The following LINGO2 variants were observed in gnomAD, a reference collection of about 807,000 sequenced individuals.
LINGO2 encodes leucine rich repeat and Ig domain containing 2.
LINGO2 carries 14 observed loss-of-function variants against 30.6 expected under a neutral mutation model. The observed-to-expected ratio is 0.46, with a 90% CI of 0.30 to 0.72. The LOEUF (loss-of-function observed/expected upper bound fraction) is 0.72, where lower values mean the gene tolerates loss of function less well. Among genes scored for constraint, LINGO2 ranks in the 30% least tolerant of loss-of-function variants. LINGO2 has a pLI of 0.07. For synonymous variants in LINGO2, 317 were observed against 288.5 expected (o/e 1.10, Z -1.00); for missense variants, 729 against 751.7 (o/e 0.97, Z 0.35).
chr9:28,503,801 GAATT>G (rs1819989764), intron 1 of LINGO2, among the ~76,000 whole-genome samples: 1 of 151,512 alleles, frequency 6.6e-6, no homozygotes, highest in Non-Finnish European at 1.5e-5. Context: ...TGAGCAGGAG[GAATT>G]AATTAGTGGG....
At chr9:29,150,994 T>G in the LINGO2 span, among the ~76,000 whole-genome samples, 1 of 151,910 alleles carries the variant, frequency 6.6e-6, no homozygotes, top group South Asian at 2.1e-4. Flanking sequence ...AATATATATA[T>G]TAAAAGGCAT....
At chr9:28,661,779 A>T (rs1315184628) in intron 1 of LINGO2, among the ~76,000 whole-genome samples, 1 of 152,134 alleles carries the variant, frequency 6.6e-6, no homozygotes, top group Non-Finnish European at 1.5e-5. Context: ...GAAAAACTCA[A>T]GAGACACGCA....
At chr9:28,582,735 CA>C (rs1824320637) in intron 1 of LINGO2, among the ~76,000 whole-genome samples, 1 of 152,106 alleles carries the variant, frequency 6.6e-6, no homozygotes, top group Admixed American at 6.6e-5. Context: ...TTTTGCCTTA[CA>C]AACGCAGCTC....
chr9:28,111,687 T>A (rs973217428), intron 4 of LINGO2, among the ~76,000 whole-genome samples: 13 of 152,102 alleles, frequency 8.5e-5, no homozygotes, highest in African/African-American at 1.4e-4. Context: ...ATAATTGTAG[T>A]ACAATAAATG....
At chr9:28,450,928 C>G (rs1248708195) in intron 2 of LINGO2, among the ~76,000 whole-genome samples, 1 of 151,922 alleles carries the variant, frequency 6.6e-6, no homozygotes, top group East Asian at 1.9e-4. Flanking sequence ...GATTTTATCA[C>G]TTAATTGTGG....
chr9:29,002,803 T>C, the LINGO2 span, among the ~76,000 whole-genome samples: 2 of 152,124 alleles, frequency 1.3e-5, no homozygotes, highest in African/African-American at 2.4e-5. Context: ...AATTATTGTG[T>C]AGTGTCCTTT....
intron 3 of LINGO2, among the ~76,000 whole-genome samples, chr9:28,299,292 G>C (rs369194294): frequency 4.0e-5 from 6 of 151,888 alleles, no homozygotes; most frequent in African/African-American, 1.5e-4. Flanking sequence ...CTAACACAGA[G>C]AATATAATAA....
intron 3 of LINGO2, among the ~76,000 whole-genome samples, chr9:28,351,916 T>C (rs891341376): frequency 1.3e-4 from 20 of 150,412 alleles, no homozygotes; most frequent in Non-Finnish European, 2.7e-4. Context: ...ATTATCTCAA[T>C]AGATGCAGAA....
chr9:28,802,027 AAAAGT>A, the LINGO2 span, among the ~76,000 whole-genome samples: 1 of 151,820 alleles, frequency 6.6e-6, no homozygotes, highest in Non-Finnish European at 1.5e-5. Context: ...ATATTATAAC[AAAAGT>A]TATGCATAGC....
chr9:28,659,135 C>T (rs921503654), intron 1 of LINGO2, among the ~76,000 whole-genome samples: 1 of 152,012 alleles, frequency 6.6e-6, no homozygotes, highest in Non-Finnish European at 1.5e-5. Flanking sequence ...TTAGAATCCA[C>T]AGTGGAAATA....
At chr9:28,071,396 G>A (rs55685611) in intron 4 of LINGO2, among the ~76,000 whole-genome samples, 2 of 151,940 alleles carry the variant, frequency 1.3e-5, no homozygotes, top group South Asian at 4.2e-4. Flanking sequence ...AATCTTTATA[G>A]TTTTCTACTG....
the LINGO2 span, among the ~76,000 whole-genome samples, chr9:28,989,297 C>T: frequency 6.6e-6 from 1 of 152,154 alleles, no homozygotes; most frequent in Non-Finnish European, 1.5e-5. Flanking sequence ...ATTAGCATTG[C>T]ATCAAGAGAA....
intron 4 of LINGO2, among the ~76,000 whole-genome samples, chr9:28,099,567 T>G (rs746624242): frequency 1.3e-5 from 2 of 152,220 alleles, no homozygotes; most frequent in Non-Finnish European, 2.9e-5. Context: ...GACACCATCC[T>G]GGCCCAAGCC....
At chr9:28,690,245 G>T in the LINGO2 span, among the ~76,000 whole-genome samples, 14 of 151,894 alleles carry the variant, frequency 9.2e-5, no homozygotes, top group Non-Finnish European at 2.1e-4. Flanking sequence ...AGTTGGAAAT[G>T]AAACAAAAAC....
At chr9:28,768,962 T>G in the LINGO2 span, among the ~76,000 whole-genome samples, 9 of 152,098 alleles carry the variant, frequency 5.9e-5, no homozygotes, top group Non-Finnish European at 1.0e-4. Flanking sequence ...TTAAAAGTGC[T>G]CTCAAAGACA....
chr9:28,366,032 A>G (rs893058833), intron 3 of LINGO2, among the ~76,000 whole-genome samples: 6 of 152,114 alleles, frequency 3.9e-5, no homozygotes, highest in Non-Finnish European at 8.8e-5. Flanking sequence ...ACTTTTTCAC[A>G]ATGTTAAATC....
At chr9:28,070,904 C>G (rs1484297057) in intron 4 of LINGO2, among the ~76,000 whole-genome samples, 2 of 152,006 alleles carry the variant, frequency 1.3e-5, no homozygotes, top group South Asian at 4.2e-4. Context: ...TTTTTAGTAG[C>G]GACAAGGTCT....
At chr9:29,091,620 T>G in the LINGO2 span, among the ~76,000 whole-genome samples, 1 of 152,050 alleles carries the variant, frequency 6.6e-6, no homozygotes, top group Non-Finnish European at 1.5e-5. Flanking sequence ...GAAGATTCTC[T>G]GCTCTCAATC....
the LINGO2 span, among the ~76,000 whole-genome samples, chr9:28,777,863 A>T: frequency 6.6e-6 from 1 of 152,218 alleles, no homozygotes; most frequent in Non-Finnish European, 1.5e-5. Context: ...AATTTAAGGT[A>T]TTAAATCCTT....
Sources: gnomAD v4.1 joint callset for allele counts (sites outside exome capture counted in the v4.1 genomes callset) on GRCh38, gnomAD v4.1.1 for gene constraint, MANE v1.5 for transcripts, NCBI Gene and HGNC (gene_info 2026-07-23, HGNC 2026-07-21) for gene names.